GPATCH2: variants seen among roughly 807,000 people sequenced by gnomAD.
GPATCH2 encodes the protein G patch domain-containing protein 2.
Under a neutral mutation model 58.0 loss-of-function variants are expected in GPATCH2, and 51 were observed. The observed-to-expected ratio is 0.88, with a 90% CI of 0.70 to 1.11. The LOEUF (loss-of-function observed/expected upper bound fraction) is 1.11, where lower values mean the gene tolerates loss of function less well. Among genes scored for constraint, GPATCH2 ranks in the 50% most tolerant of loss-of-function variants. GPATCH2 has a pLI of 0.00. For missense variants in GPATCH2, 625 were observed against 652.2 expected (o/e 0.96, Z 0.45); for synonymous variants, 222 against 218.5 (o/e 1.02, Z -0.14).
rs757689052 is a variant in GPATCH2, at chr1:217,498,319, G to C, written c.1206+37C>G. 5.9e-6 allele frequency: 9 copies of C among 1,524,170 alleles called. No individual in the cohort carries two copies. The South Asian group carries it at 9.0e-5, about 15-fold the overall frequency. 94.4% of individuals were successfully genotyped at this position (1,524,170 alleles called of 1,614,324 possible). ...GGAGACAGTTAAATACTTGAAAGAG[G>C]CTGAGTAACTTCCTTTTGGATTACA... On this transcript the variant is annotated intron_variant, in intron 7 of 9. Coordinates refer to ENST00000366935, the MANE Select transcript of GPATCH2 (RefSeq NM_018040.5).
chr1:217,449,439 A>G (rs1348459753), intron 8 of GPATCH2, 102 bp from the exon 9 acceptor site: 2 of 729,994 alleles, frequency 2.7e-6, no homozygotes, highest in Non-Finnish European at 4.9e-6. Flanking sequence ...TTCTCAACAA[A>G]GATGGAGCTG....
rs1658436762 is a variant in GPATCH2 at position 217,429,416 on chromosome 1, C to A, written c.*1729G>T. The A allele has an allele frequency of 6.6e-6, 1 of 152,120 alleles. No homozygotes were observed. Among genetic ancestry groups the A allele is most frequent in the Non-Finnish European group, 1.5e-5 (1 of 68,028 alleles). 9.4% of individuals were successfully genotyped at this position (152,120 alleles called of 1,614,324 possible). On this transcript the variant is annotated 3_prime_UTR_variant, in exon 10 of 10. Transcript: ENST00000366935. ...TCTCAAGAAATGTACATTTGGCAAA[C>A]CGTGAAGGCTTTCAAATAGCAGGTT...
At chr1:217,582,868 G>A (rs1667138842) in intron 5 of GPATCH2, among the ~76,000 whole-genome samples, 1 of 152,086 alleles carries the variant, frequency 6.6e-6, no homozygotes, top group Non-Finnish European at 1.5e-5. Context: ...ATGATTAACA[G>A]GAGCACCTGA....
chr1:217,467,698 T>TAA (rs56265721), intron 8 of GPATCH2, among the ~76,000 whole-genome samples: 5 of 148,258 alleles, frequency 3.4e-5, no homozygotes, highest in East Asian at 3.9e-4. Context: ...GATTTTTCTT[T>TAA]AAAAAAAAAA....
At chr1:217,436,774 T>C (rs1263631518) in intron 9 of GPATCH2, among the ~76,000 whole-genome samples, 1 of 152,160 alleles carries the variant, frequency 6.6e-6, no homozygotes, top group Non-Finnish European at 1.5e-5. Context: ...ATGTAACTGA[T>C]GTTTGGAGAG....
At chr1:217,555,028 AGTG>A (rs1665552129) in intron 5 of GPATCH2, among the ~76,000 whole-genome samples, 3 of 152,192 alleles carry the variant, frequency 2.0e-5, no homozygotes, top group African/African-American at 7.2e-5. Flanking sequence ...CAGTTTGCTC[AGTG>A]TACAGATGGC....
intron 5 of GPATCH2, among the ~76,000 whole-genome samples, chr1:217,594,648 A>T (rs1477860152): frequency 6.6e-6 from 1 of 152,214 alleles, no homozygotes; most frequent in Non-Finnish European, 1.5e-5. Context: ...TAGAACATCT[A>T]ATTTCTTCAT....
chr1:217,500,190 A>G lies in GPATCH2; in HGVS notation c.1167-1795T>C, dbSNP rs140142403. On this transcript the variant is annotated intron_variant, in intron 6 of 9. Coordinates refer to ENST00000366935, the MANE Select transcript of GPATCH2 (RefSeq NM_018040.5). Reference sequence around the variant, plus strand: ...ACCTGCCAGCCTTCTTAATTTTTCTAAATACCTGCCAGCCTGTCTTTATTA... The same window carrying G: ...ACCTGCCAGCCTTCTTAATTTTTCTGAATACCTGCCAGCCTGTCTTTATTA... Among the ~76,000 whole-genome samples the G allele has an allele frequency of 4.0e-3, 614 of 152,050 alleles. 6 individuals carry two copies. The highest frequency in any genetic ancestry group is 0.014 in the African/African-American group (588 of 41,474).
At chr1:217,437,741 T>TG (rs1658907899) in intron 9 of GPATCH2, among the ~76,000 whole-genome samples, 1 of 152,174 alleles carries the variant, frequency 6.6e-6, no homozygotes, top group African/African-American at 2.4e-5. Flanking sequence ...AGTAAGGGGC[T>TG]TATAGATAAA....
chr1:217,613,483 C>G (rs980341969), intron 3 of GPATCH2, among the ~76,000 whole-genome samples: 2 of 151,812 alleles, frequency 1.3e-5, no homozygotes, highest in Non-Finnish European at 2.9e-5. Flanking sequence ...TTGTATGGAG[C>G]GTAAAAGGGA....
intron 5 of GPATCH2, among the ~76,000 whole-genome samples, chr1:217,524,642 C>A (rs1285504502): frequency 6.6e-6 from 1 of 151,586 alleles, no homozygotes; most frequent in Admixed American, 6.6e-5. Context: ...GCGGATCACT[C>A]GCGGTTAGGA....
At chr1:217,603,743 C>A (rs930253467) in intron 5 of GPATCH2, among the ~76,000 whole-genome samples, 2 of 152,088 alleles carry the variant, frequency 1.3e-5, no homozygotes, top group Admixed American at 1.3e-4. Flanking sequence ...CTGCTTCTGC[C>A]TCCCTAGTAG....
chr1:217,623,818 C>T (rs988461867), intron 1 of GPATCH2, among the ~76,000 whole-genome samples: 1 of 152,076 alleles, frequency 6.6e-6, no homozygotes, highest in African/African-American at 2.4e-5. Context: ...AGAAGAATCA[C>T]TTGAACCCAG....
chr1:217,449,521 T>C (rs920493626), intron 8 of GPATCH2, among the ~76,000 whole-genome samples, 184 bp from the exon 9 acceptor site: 5 of 152,206 alleles, frequency 3.3e-5, no homozygotes, highest in Admixed American at 2.6e-4. Context: ...AGCAGCTAAA[T>C]GCGCCATCAT....
Position 217,620,067 on chromosome 1 carries a change from C to T in GPATCH2, c.489G>A (p.Lys163=). 1 of 1,613,968 alleles carries T rather than the reference C, an allele frequency of 6.2e-7. No homozygotes were observed. Among genetic ancestry groups the T allele is most frequent in the Non-Finnish European group, 8.5e-7 (1 of 1,180,028 alleles). ...VGNRTLRRRR[K]VKRMAVDLPQ... ...GGAGATCTACTGCCATGCGTTTTAC[C>T]TTTCTCCTCCTGCGCAGAGTTCTAT... is the stretch of plus-strand genomic sequence containing the variant. The change falls in exon 2 of 10, where the codon AAG becomes AAA. Residue 163 remains lysine, a synonymous_variant. Coordinates refer to ENST00000366935, the MANE Select transcript of GPATCH2 (RefSeq NM_018040.5).
At chr1:217,630,755 C>T (rs1669713534) in intron 1 of GPATCH2, among the ~76,000 whole-genome samples, 161 bp downstream of exon 1, 1 of 152,224 alleles carries the variant, frequency 6.6e-6, no homozygotes, top group Non-Finnish European at 1.5e-5. Flanking sequence ...CCAAGAGCTC[C>T]CTCAAACTGC....
chr1:217,510,970 C>T (rs983286152), intron 6 of GPATCH2, among the ~76,000 whole-genome samples: 21 of 152,074 alleles, frequency 1.4e-4, no homozygotes, highest in African/African-American at 4.8e-4. Flanking sequence ...TGGTGGCGCA[C>T]GCCTGTAGTC....
chr1:217,523,975 C>T (rs1571857731), intron 5 of GPATCH2, among the ~76,000 whole-genome samples: 4 of 135,772 alleles, frequency 2.9e-5, no homozygotes, highest in South Asian at 2.4e-4. Flanking sequence ...CCCTCCCGGA[C>T]GGGGCGGCTG....
chr1:217,473,280 A>AGTGTGTGTGTGT (rs71166009), intron 8 of GPATCH2, among the ~76,000 whole-genome samples: 11 of 142,312 alleles, frequency 7.7e-5, no homozygotes, highest in Middle Eastern at 3.7e-3. Context: ...GGTTTAGTTC[A>AGTGTGTGTGTGT]GTGTGTGTGT....
Sources: allele counts gnomAD v4.1 joint callset (sites outside exome capture counted in the v4.1 genomes callset), GRCh38; gene constraint gnomAD v4.1.1; transcripts MANE v1.5; gene names NCBI Gene and HGNC (gene_info 2026-07-23, HGNC 2026-07-21).